VGLL3: variants seen among roughly 807,000 people sequenced by gnomAD.
VGLL3 encodes transcription cofactor vestigial-like protein 3.
In VGLL3, 18 loss-of-function variants were observed where a neutral mutation model predicts 29.2. The observed-to-expected ratio is 0.62, with a 90% CI of 0.43 to 0.91. VGLL3 has a LOEUF of 0.91. Among genes scored for constraint, VGLL3 ranks in the 40% least tolerant of loss-of-function variants. The probability of loss-of-function intolerance (pLI) is 0.00; values close to 1 mark genes in which losing one functional copy is unlikely to be tolerated. For missense variants in VGLL3, 440 were observed against 413.2 expected (o/e 1.06, Z -0.56); for synonymous variants, 180 against 151.8 (o/e 1.19, Z -1.36).
intron 3 of VGLL3, among the ~76,000 whole-genome samples, chr3:86,952,874 C>G (rs944150316): frequency 2.0e-5 from 3 of 152,132 alleles, no homozygotes; most frequent in African/African-American, 7.2e-5. Flanking sequence ...GTGCGAGAGA[C>G]AGTCATACTA....
chr3:86,979,667 A>C (rs905887999), intron 1 of VGLL3, among the ~76,000 whole-genome samples: 1 of 152,204 alleles, frequency 6.6e-6, no homozygotes, highest in African/African-American at 2.4e-5. Flanking sequence ...TATTGTAAAG[A>C]TTAAAAAGCT....
chr3:86,980,622 T>C (rs935939132), intron 1 of VGLL3, among the ~76,000 whole-genome samples: 2 of 152,076 alleles, frequency 1.3e-5, no homozygotes, highest in Non-Finnish European at 2.9e-5. Context: ...TAGAAACATA[T>C]GGTATGTGTA....
chr3:86,961,840 T>G, intron 3 of VGLL3: 1 of 768,032 alleles, frequency 1.3e-6, no homozygotes, highest in Non-Finnish European at 1.6e-6. Flanking sequence ...AAATGAGAAG[T>G]TAATAAGTAC....
chr3:86,965,977 C>A (rs1161152755), intron 3 of VGLL3, among the ~76,000 whole-genome samples: 1 of 152,104 alleles, frequency 6.6e-6, no homozygotes, highest in African/African-American at 2.4e-5. Flanking sequence ...CGTACAACAC[C>A]CCTCTCTAAC....
At chr3:86,966,240 A>T (rs1445743241) in intron 3 of VGLL3, among the ~76,000 whole-genome samples, 1 of 152,044 alleles carries the variant, frequency 6.6e-6, no homozygotes, top group Non-Finnish European at 1.5e-5. Flanking sequence ...GCTGTATAAC[A>T]AGGAAGGTGT....
intron 3 of VGLL3, among the ~76,000 whole-genome samples, chr3:86,963,530 T>G (rs371384333): frequency 2.6e-5 from 4 of 152,212 alleles, no homozygotes; most frequent in African/African-American, 9.6e-5. Context: ...TGTGAATATA[T>G]TATAAGACCA....
In VGLL3 at chr3:86,988,590, T is replaced by C. The variant is rs563767883; in HGVS notation, c.126+2028A>G. Among the ~76,000 whole-genome samples the C allele has an allele frequency of 5.4e-4, 77 of 141,712 alleles. 1 individual carries two copies. Among genetic ancestry groups the C allele is most frequent in the Middle Eastern group, 3.8e-3 (1 of 266 alleles). The allele number at this position is 141,712 out of a possible 152,430, so 93.0% of individuals were successfully genotyped here. Reference sequence around the variant, plus strand: ...ACAGTAGTTACACTGTCAAGTCTTTTTTTTTTTATTTCGTTAGCCAGTTAT... The same window carrying C: ...ACAGTAGTTACACTGTCAAGTCTTTCTTTTTTTATTTCGTTAGCCAGTTAT... On this transcript the variant is annotated intron_variant, in intron 1 of 3. Transcript: ENST00000398399.
At chr3:86,974,822 T>A (rs1705175200) in intron 2 of VGLL3, among the ~76,000 whole-genome samples, 1 of 152,142 alleles carries the variant, frequency 6.6e-6, no homozygotes, top group African/African-American at 2.4e-5. Flanking sequence ...CCACTAACAT[T>A]ATCATTAGCC....
chr3:86,976,084 A>C (rs989132306), intron 2 of VGLL3, among the ~76,000 whole-genome samples: 2 of 152,100 alleles, frequency 1.3e-5, no homozygotes, highest in South Asian at 4.1e-4. Flanking sequence ...ACTGCACTCC[A>C]GCCTGGGTGA....
intron 3 of VGLL3, among the ~76,000 whole-genome samples, chr3:86,954,676 G>C (rs374763087): frequency 4.6e-5 from 7 of 152,074 alleles, no homozygotes; most frequent in African/African-American, 1.7e-4. Context: ...TGTCAAGGTG[G>C]CCAATAACCT....
chr3:86,990,871 C>A lies in VGLL3; in HGVS notation c.-128G>T. 8.7e-7 allele frequency: 1 copy of A among 1,148,758 alleles called. No individual in the cohort carries two copies. Among genetic ancestry groups the A allele is most frequent in the Non-Finnish European group, 1.1e-6 (1 of 927,376 alleles). The allele number at this position is 1,148,758 out of a possible 1,614,324, so 71.2% of individuals were successfully genotyped here. ...GCTCCAGCTGCTACTGCGGCGAAGG[C>A]GGGTCCTCGGCGGCCTCGGGCTCCG... is the stretch of plus-strand genomic sequence containing the variant. On this transcript the variant is annotated 5_prime_UTR_variant, in exon 1 of 4. Coordinates refer to ENST00000398399, the MANE Select transcript of VGLL3 (RefSeq NM_016206.4).
At chr3:86,955,094 A>T (rs2106974586) in intron 3 of VGLL3, among the ~76,000 whole-genome samples, 1 of 152,254 alleles carries the variant, frequency 6.6e-6, no homozygotes, top group South Asian at 2.1e-4. Context: ...GAAAGAGCTA[A>T]TCTGGATCCA....
chr3:86,959,740 T>C (rs1221720341), intron 3 of VGLL3, among the ~76,000 whole-genome samples: 1 of 152,144 alleles, frequency 6.6e-6, no homozygotes, highest in Non-Finnish European at 1.5e-5. Flanking sequence ...ATAATTTTAA[T>C]AACATTAGTA....
At chr3:86,988,848 C>A (rs1705517460) in intron 1 of VGLL3, among the ~76,000 whole-genome samples, 1 of 151,494 alleles carries the variant, frequency 6.6e-6, no homozygotes. Flanking sequence ...AAATTGTTTT[C>A]TTTTTAAGAA....
At chr3:86,959,017 A>G (rs1262650959) in intron 3 of VGLL3, among the ~76,000 whole-genome samples, 1 of 152,210 alleles carries the variant, frequency 6.6e-6, no homozygotes, top group Non-Finnish European at 1.5e-5. Context: ...AATAATGACA[A>G]CAAAGTCCAG....
rs377168997 is a variant in VGLL3 at position 86,969,037 on chromosome 3, C to T, written c.490G>A (p.Gly164Arg). The change falls in exon 3 of 4, where the codon GGG becomes AGG. Residue 164 changes from glycine to arginine, a missense_variant. Transcript: ENST00000398399. ...SYQPPPAPCLGGVHPDFQVTG... is the reference protein window; with the variant it reads ...SYQPPPAPCLRGVHPDFQVTG... ...ACCTGGAAGTCAGGATGAACTCCCC[C>T]CAAACAAGGTGCAGGTGGGGGCTGG... 2.5e-6 allele frequency: 4 copies of T among 1,613,830 alleles called. No individual in the cohort carries two copies. The African/African-American group carries it at 4.0e-5, about 16-fold the overall frequency.
At chr3:86,961,958 T>G (rs1255254500) in intron 3 of VGLL3, 1 of 981,392 alleles carries the variant, frequency 1.0e-6, no homozygotes, top group African/African-American at 1.7e-5. Context: ...TTATATGCTA[T>G]AGGGAACTGT....
chr3:86,948,610 A>G (rs1370311955), intron 3 of VGLL3, among the ~76,000 whole-genome samples: 1 of 152,132 alleles, frequency 6.6e-6, no homozygotes, highest in Non-Finnish European at 1.5e-5. Flanking sequence ...AAAAAGCAGC[A>G]TCTCATAAAA....
intron 1 of VGLL3, among the ~76,000 whole-genome samples, chr3:86,985,603 A>G (rs549706550): frequency 6.6e-6 from 1 of 152,264 alleles, no homozygotes; most frequent in East Asian, 1.9e-4. Flanking sequence ...GTTTGGGTCT[A>G]ATGGTTCAAG....
Sources: gnomAD v4.1 joint callset for allele counts (sites outside exome capture counted in the v4.1 genomes callset) on GRCh38, gnomAD v4.1.1 for gene constraint, MANE v1.5 for transcripts, NCBI Gene and HGNC (gene_info 2026-07-23, HGNC 2026-07-21) for gene names.